TANC2: variants seen among roughly 807,000 people sequenced by gnomAD.
TANC2 encodes tetratricopeptide repeat, ankyrin repeat and coiled-coil containing 2.
TANC2 carries 26 observed loss-of-function variants against 210.5 expected under a neutral mutation model. The observed-to-expected ratio is 0.12, with a 90% confidence interval of 0.09 to 0.17. The LOEUF (loss-of-function observed/expected upper bound fraction) is 0.17. Among genes scored for constraint, TANC2 ranks in the 10% least tolerant of loss-of-function variants. The probability of loss-of-function intolerance (pLI) is 1.00; values close to 1 mark genes in which losing one functional copy is unlikely to be tolerated. For missense variants in TANC2, 2,129 were observed against 2,608.9 expected, an observed-to-expected ratio of 0.82 and a Z score of 4.01; for synonymous variants, 931 against 967.1, an observed-to-expected ratio of 0.96 and a Z score of 0.69.
At chr17:63,009,358 A>T (rs1170544064) in intron 1 of TANC2, among the ~76,000 whole-genome samples, 179 bp from the exon 2 acceptor site, 1 of 152,170 alleles carries the variant, frequency 6.6e-6, no homozygotes, top group African/African-American at 2.4e-5. Context: ...GCAATGTTAA[A>T]TAAGCACATT....
At chr17:63,200,378 A>G (rs983314763) in intron 6 of TANC2, among the ~76,000 whole-genome samples, 1 of 140,052 alleles carries the variant, frequency 7.1e-6, no homozygotes, top group African/African-American at 2.6e-5. Context: ...AAAAAAAAAG[A>G]AAGAAAGAAA....
chr17:63,314,655 A>T, exon 10 of TANC2: 2 of 1,613,514 alleles, frequency 1.2e-6, no homozygotes, highest in Non-Finnish European at 1.7e-6. Context: ...GACAGCCCAC[A>T]TGCCTCCCCC....
chr17:63,057,851 G>T (rs1337193964), intron 2 of TANC2, among the ~76,000 whole-genome samples: 1 of 152,148 alleles, frequency 6.6e-6, no homozygotes, highest in Non-Finnish European at 1.5e-5. Flanking sequence ...CATTTAGATT[G>T]ATTCCATGTC....
At chr17:62,978,210 T>A (rs2032120375) in intron 1 of TANC2, among the ~76,000 whole-genome samples, 1 of 152,214 alleles carries the variant, frequency 6.6e-6, no homozygotes, top group Non-Finnish European at 1.5e-5. Context: ...AGCCACGTGT[T>A]TAAAAGGTAA....
chr17:63,386,152 G>A (rs189942483), intron 15 of TANC2, among the ~76,000 whole-genome samples: 1 of 152,224 alleles, frequency 6.6e-6, no homozygotes, highest in Admixed American at 6.5e-5. Context: ...ACATGTACAT[G>A]GATGATTATT....
chr17:63,098,462 ACACACACACACACACACATACACT>A (rs1317150322), intron 3 of TANC2, among the ~76,000 whole-genome samples: 951 of 42,910 alleles, frequency 0.022, 27 homozygotes, highest in African/African-American at 0.083. Context: ...ACACACACAC[ACACACACACACACACACATACACT>A]CTCTCTCTCT....
chr17:63,162,936 G>A (rs1034163086), intron 5 of TANC2, among the ~76,000 whole-genome samples: 8 of 151,962 alleles, frequency 5.3e-5, no homozygotes, highest in African/African-American at 1.4e-4. Flanking sequence ...TAGCAGACAC[G>A]TTTAACTGTA....
intron 7 of TANC2, among the ~76,000 whole-genome samples, chr17:63,216,470 C>G (rs796366666): frequency 3.9e-5 from 6 of 152,268 alleles, no homozygotes; most frequent in African/African-American, 1.4e-4. Flanking sequence ...GTGAACCATT[C>G]CAGCAAATTA....
At chr17:63,364,381 A>T (rs1849960687) in intron 14 of TANC2, among the ~76,000 whole-genome samples, 1 of 152,136 alleles carries the variant, frequency 6.6e-6, no homozygotes, top group African/African-American at 2.4e-5. Flanking sequence ...ATCCAAAATG[A>T]AATTTGGAAA....
In TANC2 at chr17:63,036,809, T is replaced by C. The variant is rs368835826; in HGVS notation, c.67+27183T>C. ...TCAGCATTTGGTAGTTTCCAGCATA[T>C]AGATCTTGTACATGTTTCATTAGAC... On this transcript the variant is annotated intron_variant, in intron 2 of 27. Transcript: ENST00000689528. Among the ~76,000 whole-genome samples the C allele has an allele frequency of 6.6e-5, 10 of 152,098 alleles. No homozygotes were observed. In the South Asian group the frequency reaches 2.1e-3, roughly 32 times the overall value.
chr17:63,028,943 T>A (rs575985933), intron 2 of TANC2, among the ~76,000 whole-genome samples: 30 of 152,212 alleles, frequency 2.0e-4, no homozygotes, highest in Non-Finnish European at 3.5e-4. Context: ...GATAAAAAGA[T>A]ATATGATAAA....
At chr17:63,221,442 C>CAAAAAA (rs755699051) in intron 7 of TANC2, among the ~76,000 whole-genome samples, 1 of 87,518 alleles carries the variant, frequency 1.1e-5, no homozygotes, top group African/African-American at 4.3e-5. Flanking sequence ...GACTCCATCT[C>CAAAAAA]AAAAAAAAAA....
At chr17:63,209,255 C>G (rs1034727051) in intron 7 of TANC2, among the ~76,000 whole-genome samples, 6 of 151,900 alleles carry the variant, frequency 3.9e-5, no homozygotes, top group African/African-American at 1.5e-4. Context: ...TCAAGCAGTC[C>G]GCCCGCCTCA....
intron 5 of TANC2, among the ~76,000 whole-genome samples, chr17:63,173,359 G>A (rs2040474609): frequency 6.6e-6 from 1 of 152,180 alleles, no homozygotes; most frequent in African/African-American, 2.4e-5. Flanking sequence ...ACTGTCTCTA[G>A]CAGACAGTCC....
intron 2 of TANC2, among the ~76,000 whole-genome samples, chr17:63,049,678 G>A (rs932304602): frequency 1.3e-5 from 2 of 152,278 alleles, no homozygotes; most frequent in East Asian, 3.9e-4. Flanking sequence ...ACCTTTGGAG[G>A]GTTTTGAGGA....
chr17:63,230,887 G>C (rs1184666833), intron 7 of TANC2, among the ~76,000 whole-genome samples: 1 of 152,176 alleles, frequency 6.6e-6, no homozygotes, highest in Non-Finnish European at 1.5e-5. Flanking sequence ...CACTATTATT[G>C]TGTAGGAGTC....
At chr17:63,319,051 C>T (rs2045409476) in exon 11 of TANC2, 1 of 1,613,438 alleles carries the variant, frequency 6.2e-7, no homozygotes, top group Admixed American at 1.7e-5. Flanking sequence ...CGGAAATGCG[C>T]AGGCGGCAGG....
At chr17:63,167,074 G>A (rs544330168) in intron 5 of TANC2, among the ~76,000 whole-genome samples, 30 of 152,270 alleles carry the variant, frequency 2.0e-4, no homozygotes, top group African/African-American at 6.5e-4. Flanking sequence ...ATTCATTGAC[G>A]CTATGCCATA....
At chr17:63,230,863 G>T (rs1598656732) in intron 7 of TANC2, among the ~76,000 whole-genome samples, 1 of 152,142 alleles carries the variant, frequency 6.6e-6, no homozygotes, top group Admixed American at 6.5e-5. Context: ...TTGACATTGG[G>T]TGTTAAAGTC....
Sources: gnomAD v4.1 joint callset for allele counts (sites outside exome capture counted in the v4.1 genomes callset) on GRCh38, gnomAD v4.1.1 for gene constraint, MANE v1.5 for transcripts, NCBI Gene and HGNC (gene_info 2026-07-23, HGNC 2026-07-21) for gene names.